CDC42BPA: variants seen among roughly 807,000 people sequenced by gnomAD.
CDC42BPA encodes the protein CDC42 binding protein kinase alpha.
In CDC42BPA, 80 loss-of-function variants were observed where a neutral mutation model predicts 223.5. The observed-to-expected ratio is 0.36, with a 90% CI of 0.30 to 0.43. The LOEUF is 0.43. Among genes scored for constraint, CDC42BPA ranks in the 20% least tolerant of loss-of-function variants. The pLI, the probability that CDC42BPA is intolerant of heterozygous loss-of-function variation, is 1.00. For synonymous variants in CDC42BPA, 694 were observed against 718.6 expected (o/e 0.97, Z 0.55); for missense variants, 1,743 against 2,099.9 (o/e 0.83, Z 3.32).
chr1:227,226,237 T>C (rs796861740), intron 2 of CDC42BPA, among the ~76,000 whole-genome samples: 1 of 152,226 alleles, frequency 6.6e-6, no homozygotes, highest in African/African-American at 2.4e-5. Context: ...ATACATATAC[T>C]TGGAGTCTAC....
At chr1:227,067,316 T>C (rs1352949515) in intron 21 of CDC42BPA, among the ~76,000 whole-genome samples, 1 of 152,234 alleles carries the variant, frequency 6.6e-6, no homozygotes, top group Non-Finnish European at 1.5e-5. Flanking sequence ...GAAGACCTCA[T>C]GTATTTGCCA....
intron 2 of CDC42BPA, among the ~76,000 whole-genome samples, chr1:227,239,287 C>T (rs955861544): frequency 1.3e-5 from 2 of 152,204 alleles, no homozygotes; most frequent in East Asian, 1.9e-4. Flanking sequence ...AATAAACAGA[C>T]AGAGCACAGA....
intron 21 of CDC42BPA, among the ~76,000 whole-genome samples, chr1:227,064,077 AAT>A (rs947212351): frequency 2.0e-5 from 3 of 152,190 alleles, no homozygotes; most frequent in African/African-American, 7.2e-5. Context: ...AATGGAAAAC[AAT>A]ATTAGGGGGA....
At chr1:227,139,430 T>C (rs184947214) in intron 10 of CDC42BPA, 146 bp downstream of exon 10, 97 of 494,238 alleles carry the variant, frequency 2.0e-4, no homozygotes, top group Admixed American at 1.4e-3. Context: ...AATGGTATTA[T>C]GCTGTGTTCT....
chr1:227,298,520 T>A (rs1691099604), intron 1 of CDC42BPA, among the ~76,000 whole-genome samples: 1 of 152,190 alleles, frequency 6.6e-6, no homozygotes, highest in Non-Finnish European at 1.5e-5. Context: ...TCTACTCCCT[T>A]ACCCTAAACC....
At chr1:227,090,160 T>C (rs1682816252) in intron 16 of CDC42BPA, among the ~76,000 whole-genome samples, 1 of 152,246 alleles carries the variant, frequency 6.6e-6, no homozygotes, top group African/African-American at 2.4e-5. Flanking sequence ...TTGTGTATGT[T>C]AGCTTTACAA....
intron 1 of CDC42BPA, among the ~76,000 whole-genome samples, chr1:227,271,452 G>A (rs1297660155): frequency 6.6e-6 from 1 of 151,938 alleles, no homozygotes; most frequent in Non-Finnish European, 1.5e-5. Flanking sequence ...CACTAAAGTA[G>A]CTATCCTTAT....
At chr1:227,055,209 T>G (rs1450157088) in intron 21 of CDC42BPA, among the ~76,000 whole-genome samples, 1 of 152,106 alleles carries the variant, frequency 6.6e-6, no homozygotes, top group East Asian at 1.9e-4. Flanking sequence ...TAAATGAAAC[T>G]AATGCTAATA....
intron 1 of CDC42BPA, among the ~76,000 whole-genome samples, chr1:227,310,695 T>TTTTTG (rs896724060): frequency 8.3e-5 from 6 of 72,240 alleles, no homozygotes; most frequent in Non-Finnish European, 1.7e-4. Flanking sequence ...TGTTTTTTGT[T>TTTTTG]TTTTTTTTTG....
intron 1 of CDC42BPA, among the ~76,000 whole-genome samples, chr1:227,297,191 G>GTT (rs1690792750): frequency 6.6e-6 from 1 of 152,094 alleles, no homozygotes; most frequent in Admixed American, 6.5e-5. Flanking sequence ...AAAGCTGCTC[G>GTT]TTATCAGTAA....
At chr1:227,040,570 T>C (rs1165755061) in intron 23 of CDC42BPA, among the ~76,000 whole-genome samples, 1 of 152,186 alleles carries the variant, frequency 6.6e-6, no homozygotes, top group Non-Finnish European at 1.5e-5. Flanking sequence ...GTTCAGCAAA[T>C]AGTTAAGTAA....
At chr1:227,315,124 C>T (rs1380651885) in intron 1 of CDC42BPA, among the ~76,000 whole-genome samples, 1 of 152,042 alleles carries the variant, frequency 6.6e-6, no homozygotes, top group East Asian at 1.9e-4. Context: ...CTACGCAACT[C>T]CTGACAGCCT....
chr1:227,155,621 T>C (rs1200804353), intron 6 of CDC42BPA, among the ~76,000 whole-genome samples: 2 of 152,170 alleles, frequency 1.3e-5, no homozygotes. Context: ...CTAAATTCCT[T>C]TTATTAAGTA....
chr1:227,130,328 G>C (rs938324167), intron 10 of CDC42BPA, among the ~76,000 whole-genome samples: 3 of 152,014 alleles, frequency 2.0e-5, no homozygotes, highest in African/African-American at 7.2e-5. Context: ...ATGTTTGGCA[G>C]TCAATAAATA....
intron 1 of CDC42BPA, among the ~76,000 whole-genome samples, chr1:227,315,908 G>C (rs1276112446): frequency 7.4e-6 from 1 of 135,108 alleles, no homozygotes; most frequent in Non-Finnish European, 1.5e-5. Flanking sequence ...AGACATTCTT[G>C]TATCAGTGGT....
chr1:227,242,758 T>G (rs1431202355), intron 2 of CDC42BPA, among the ~76,000 whole-genome samples: 1 of 152,046 alleles, frequency 6.6e-6, no homozygotes, highest in East Asian at 1.9e-4. Context: ...GACATCTACA[T>G]TGAAAAATAT....
intron 5 of CDC42BPA, among the ~76,000 whole-genome samples, chr1:227,191,352 A>AAAAAAAAAAAG (rs1394403452): frequency 2.0e-5 from 3 of 151,842 alleles, no homozygotes; most frequent in Non-Finnish European, 2.9e-5. Context: ...TCTCAAAAAA[A>AAAAAAAAAAAG]AGAGAAGAGA....
At chr1:227,316,158 G>A (rs1404709343) in intron 1 of CDC42BPA, among the ~76,000 whole-genome samples, 1 of 152,148 alleles carries the variant, frequency 6.6e-6, no homozygotes, top group Admixed American at 6.5e-5. Flanking sequence ...TCTGGGTGAC[G>A]ATGCGTGCTT....
chr1:227,268,612 GTGTGTATA>G (rs1685424448), intron 1 of CDC42BPA, among the ~76,000 whole-genome samples: 1 of 129,082 alleles, frequency 7.7e-6, no homozygotes, highest in African/African-American at 2.8e-5. Flanking sequence ...TGTGTATAGT[GTGTGTATA>G]TATATAGTAT....
Sources: gnomAD v4.1 joint callset for allele counts (sites outside exome capture counted in the v4.1 genomes callset) on GRCh38, gnomAD v4.1.1 for gene constraint, MANE v1.5 for transcripts, NCBI Gene and HGNC (gene_info 2026-07-23, HGNC 2026-07-21) for gene names.